Variants in WDR62 observed in about 807,000 individuals in gnomAD.
The protein encoded by WDR62 is WD repeat domain 62, also known as WD repeat-containing protein 62.
In WDR62, 112 loss-of-function variants were observed where a neutral mutation model predicts 160.6. That is an observed-to-expected ratio of 0.70 (90% CI 0.60 to 0.82). The LOEUF (loss-of-function observed/expected upper bound fraction) is 0.82, where lower values mean the gene tolerates loss of function less well. WDR62 is among the 40% of genes least tolerant of loss of function. The pLI is 0.00. For synonymous variants in WDR62, 792 were observed against 815.1 expected (o/e 0.97, Z 0.48); for missense variants, 1,819 against 1,983.8 (o/e 0.92, Z 1.58).
Position 36,104,966 on chromosome 19 carries a change from C to T in WDR62, c.4510C>T (p.Leu1504=). The change falls in exon 32 of 32, where the codon CTG becomes TTG. Residue 1504 remains leucine (L), a synonymous_variant. Transcript: ENST00000401500. ...CCTGGCCAGCCCAGACCTGCAGGCC[C>T]TGCTGGAACACTACTCGGAGCTGCT... ...YPLASPDLQA[L]LEHYSELLVQ... The T allele has an allele frequency of 6.2e-7, 1 of 1,606,022 alleles. No individual in the cohort carries two copies. Among genetic ancestry groups the T allele is most frequent in the Non-Finnish European group, 8.5e-7 (1 of 1,177,968 alleles).
intron 11 of WDR62, among the ~76,000 whole-genome samples, chr19:36,083,517 C>T (rs976194444): frequency 7.9e-5 from 12 of 152,258 alleles, no homozygotes; most frequent in South Asian, 4.2e-4. Flanking sequence ...TCTAGGGCAG[C>T]GTGACACTTT....
chr19:36,083,089 G>C lies in WDR62; in HGVS notation c.1398G>C (p.Glu466Asp). Residue 466 changes from glutamate to aspartate, a missense_variant, in exon 11 of 32, where the codon GAG becomes GAC. Coordinates refer to ENST00000401500, the MANE Select transcript of WDR62 (RefSeq NM_001083961.2). ...SNTLLKVVYVENDIQHLQDMS... is the reference protein window; with the variant it reads ...SNTLLKVVYVDNDIQHLQDMS... The stretch of plus-strand genomic sequence containing the variant: ...CCCTGCTGAAGGTCGTGTACGTGGA[G>C]AATGACATCCAGCACCTGCAGGACA... 1 of 1,613,314 alleles carries C rather than the reference G, an allele frequency of 6.2e-7. No homozygotes were observed.
chr19:36,075,569 C>G (rs1339405302), intron 9 of WDR62, among the ~76,000 whole-genome samples: 1 of 151,800 alleles, frequency 6.6e-6, no homozygotes, highest in Admixed American at 6.6e-5. Flanking sequence ...CCTCAGCCTC[C>G]CGAGTAGCTG....
At chr19:36,095,548 C>T (rs1396762033) in intron 20 of WDR62, among the ~76,000 whole-genome samples, 1 of 152,222 alleles carries the variant, frequency 6.6e-6, no homozygotes, top group Non-Finnish European at 1.5e-5. Context: ...AATCCCAGCA[C>T]TCAGGGAGGC....
chr19:36,100,072 C>T (rs1018856194), intron 22 of WDR62, among the ~76,000 whole-genome samples: 1 of 152,120 alleles, frequency 6.6e-6, no homozygotes, highest in African/African-American at 2.4e-5. Flanking sequence ...GCCTAGGCAA[C>T]GTAGCAAGAT....
intron 9 of WDR62, among the ~76,000 whole-genome samples, chr19:36,077,706 A>G (rs916760528): frequency 4.8e-4 from 73 of 151,710 alleles, no homozygotes; most frequent in Non-Finnish European, 5.0e-4. Flanking sequence ...AGCTATTCCC[A>G]TGCTTCAGTC....
intron 12 of WDR62, among the ~76,000 whole-genome samples, chr19:36,085,929 C>T (rs1365747094): frequency 1.3e-5 from 2 of 152,082 alleles, no homozygotes; most frequent in African/African-American, 2.4e-5. Context: ...GTGATCCACC[C>T]GCCTTGGCCT....
intron 16 of WDR62, among the ~76,000 whole-genome samples, chr19:36,090,865 G>T (rs1346856486): frequency 1.3e-5 from 2 of 152,202 alleles, no homozygotes; most frequent in Non-Finnish European, 2.9e-5. Context: ...AGAGCCTCTG[G>T]TCTAGGACAG....
Position 36,103,185 on chromosome 19 carries a change from C to T in WDR62, c.3492C>T (p.Thr1164=), listed in dbSNP as rs201443416. The change falls in exon 29 of 32, where the codon ACC becomes ACT. Residue 1164 remains threonine, a synonymous_variant. Transcript: ENST00000401500. The stretch of plus-strand genomic sequence containing the variant: ...TCGCTGCAGGGAAGGCTGAAGAGAC[C>T]CTGGAGGCCTGGCGCCCACCACGTG... ...HVLAAGKAEE[T]LEAWRPPPPC... is the part of the protein sequence containing the mutation. 121 of 1,613,804 alleles carry T rather than the reference C, an allele frequency of 7.5e-5. No homozygotes were observed. Among genetic ancestry groups the T allele is most frequent in the Non-Finnish European group, 1.0e-4 (118 of 1,180,010 alleles).
chr19:36,082,975 A>T (rs1364023955), intron 10 of WDR62, 88 bp from the exon 11 acceptor site: 7 of 1,184,208 alleles, frequency 5.9e-6, no homozygotes, highest in Non-Finnish European at 8.6e-6. Flanking sequence ...TTGTATTACT[A>T]ACGAAGAAGA....
In WDR62 at chr19:36,103,858, T is replaced by C. The variant is rs369951443; in HGVS notation, c.4030T>C (p.Phe1344Leu). ...CGCCCTGAGGCTCCACGGCTCTGCC[T>C]TTCGCCCAAGTCTCCCAGCTCCTGA... ...ESALRLHGSA[F>L]RPSLPAPESP... The change falls in exon 30 of 32, where the codon TTT becomes CTT. Residue 1344 changes from phenylalanine to leucine, a missense_variant. Coordinates refer to ENST00000401500, the MANE Select transcript of WDR62 (RefSeq NM_001083961.2). 3 of 1,603,172 alleles carry C rather than the reference T, an allele frequency of 1.9e-6. No homozygotes were observed. Among genetic ancestry groups the C allele is most frequent in the Non-Finnish European group, 2.5e-6 (3 of 1,179,836 alleles).
At chr19:36,099,649 C>A (rs1435569844) in intron 22 of WDR62, 32 bp downstream of exon 22, 1 of 1,609,150 alleles carries the variant, frequency 6.2e-7, no homozygotes, top group Admixed American at 1.7e-5. Context: ...TGGCCCATAG[C>A]CCCGGCACCG....
rs1461824390 is a variant in WDR62, at chr19:36,100,797, A to C, written c.2789A>C (p.Gln930Pro). 2 of 1,614,096 alleles carry C rather than the reference A, an allele frequency of 1.2e-6. No homozygotes were observed. The highest frequency in any genetic ancestry group is 1.7e-5 in the Admixed American group (1 of 60,012). The change falls in exon 23 of 32, where the codon CAG becomes CCG. Residue 930 changes from glutamine to proline, a missense_variant. Transcript: ENST00000401500. Reference protein sequence around the residue: ...AGRGHPSFLPQQKESSEASEL... With the variant: ...AGRGHPSFLPPQKESSEASEL... ...CGCGGGCACCCCTCCTTCCTGCCCC[A>C]GCAGAAGGAATCATCTGAGGCCAGT...
chr19:36,084,933 A>G (rs1972123513), intron 12 of WDR62, among the ~76,000 whole-genome samples, 189 bp downstream of exon 12: 1 of 152,178 alleles, frequency 6.6e-6, no homozygotes, highest in South Asian at 2.1e-4. Flanking sequence ...AGACACCCGC[A>G]GGCAGGACTC....
chr19:36,086,562 T>A, intron 12 of WDR62, 125 bp from the exon 13 acceptor site: 1 of 1,273,186 alleles, frequency 7.9e-7, no homozygotes, highest in South Asian at 1.3e-5. Flanking sequence ...TGGGCCAAGT[T>A]GGCTACAGTT....
chr19:36,076,967 G>GTGTGTGTGTGTGTGTATATATGTA (rs1971604872), intron 9 of WDR62, among the ~76,000 whole-genome samples: 1 of 151,400 alleles, frequency 6.6e-6, no homozygotes, highest in Non-Finnish European at 1.5e-5. Flanking sequence ...ATATATGTAT[G>GTGTGTGTGTGTGTGTATATATGTA]TGTGTGTGTG....
At chr19:36,055,668 AG>A (rs1970324520) in intron 1 of WDR62, among the ~76,000 whole-genome samples, 1 of 152,042 alleles carries the variant, frequency 6.6e-6, no homozygotes, top group African/African-American at 2.4e-5. Flanking sequence ...ACTATGAGAA[AG>A]ACGTGAGAAG....
rs1973013856 is a variant in WDR62 at position 36,097,054 on chromosome 19, A to G, written c.2495A>G (p.Lys832Arg). 2 of 1,613,758 alleles carry G rather than the reference A, an allele frequency of 1.2e-6. No individual in the cohort carries two copies. Among genetic ancestry groups the G allele is most frequent in the Non-Finnish European group, 1.7e-6 (2 of 1,179,862 alleles). The change falls in exon 21 of 32, where the codon AAG becomes AGG. Residue 832 changes from lysine (K) to arginine (R), a missense_variant. Physicochemically the swap from Lys to Arg is conservative, Grantham distance 26 (BLOSUM62 2). This residue lies in a region of WDR62 where 934 missense variants were observed against 1,157.2 expected (regional missense o/e 0.81). Coordinates refer to ENST00000401500, the MANE Select transcript of WDR62 (RefSeq NM_001083961.2). The stretch of plus-strand genomic sequence containing the variant: ...CCTCGTTGCCTGCTAACCAACGGCA[A>G]GCTGCCACTGTGGGCAAAGCGGCTG... ...PDPRCLLTNG[K>R]LPLWAKRLLG...
At chr19:36,109,789 C>T (rs1267606894), downstream of WDR62, among the ~76,000 whole-genome samples, 2 of 151,352 alleles carry the variant, frequency 1.3e-5, no homozygotes, top group Non-Finnish European at 2.9e-5. Flanking sequence ...CGCGGTGGCT[C>T]ACGCCTGTAA....
Sources: allele counts gnomAD v4.1 joint callset (sites outside exome capture counted in the v4.1 genomes callset), GRCh38; gene constraint gnomAD v4.1.1; regional missense constraint gnomAD v4.1.1; transcripts MANE v1.5; gene names NCBI Gene and HGNC (gene_info 2026-07-23, HGNC 2026-07-21).